Variants in GPATCH2 observed in about 807,000 individuals in gnomAD.
GPATCH2 encodes the protein G patch domain-containing protein 2.
In GPATCH2, 51 loss-of-function variants were observed where a neutral mutation model predicts 58.0. That is an observed-to-expected ratio of 0.88 (90% CI 0.70 to 1.11). The LOEUF (loss-of-function observed/expected upper bound fraction) is 1.11. GPATCH2 is among the 50% of genes most tolerant of loss of function. GPATCH2 has a pLI of 0.00. For synonymous variants in GPATCH2, 222 were observed against 218.5 expected, an observed-to-expected ratio of 1.02 and a Z score of -0.14; for missense variants, 625 against 652.2, an observed-to-expected ratio of 0.96 and a Z score of 0.45.
intron 8 of GPATCH2, among the ~76,000 whole-genome samples, chr1:217,482,220 A>G (rs1394497942): frequency 1.3e-5 from 2 of 152,184 alleles, no homozygotes; most frequent in Admixed American, 1.3e-4. Context: ...TTATGCAACA[A>G]ACATTTATTG....
intron 8 of GPATCH2, among the ~76,000 whole-genome samples, chr1:217,472,630 A>G (rs1660780149): frequency 6.6e-6 from 1 of 152,188 alleles, no homozygotes; most frequent in Non-Finnish European, 1.5e-5. Flanking sequence ...GAAAAGCTAT[A>G]TTGAACTTTC....
chr1:217,512,243 G>A (rs767308893), intron 6 of GPATCH2, among the ~76,000 whole-genome samples: 9 of 152,128 alleles, frequency 5.9e-5, no homozygotes, highest in Non-Finnish European at 1.2e-4. Flanking sequence ...GATCACGTAA[G>A]CCTGGGAGGT....
intron 5 of GPATCH2, among the ~76,000 whole-genome samples, chr1:217,570,452 TG>T (rs1666480928): frequency 6.6e-6 from 1 of 152,202 alleles, no homozygotes; most frequent in Admixed American, 6.5e-5. Flanking sequence ...TGTTTGTTCC[TG>T]TTTTCTTTCC....
chr1:217,429,009 CTAACAATG>C lies in GPATCH2; in HGVS notation c.*2128_*2135del, dbSNP rs1195624652. ...AAGTCCTCAGGAGTGTGGAACCAGG[CTAACAATG>C]ACCTCATTGTTTGCTCTCAGTGGCT... On this transcript the variant is annotated 3_prime_UTR_variant, in exon 10 of 10. Transcript: ENST00000366935. The C allele has an allele frequency of 6.6e-6, 1 of 152,094 alleles. No homozygotes were observed. Among genetic ancestry groups the C allele is most frequent in the Non-Finnish European group, 1.5e-5 (1 of 68,018 alleles). 9.4% of individuals were successfully genotyped at this position (152,094 alleles called of 1,614,324 possible).
At chr1:217,456,118 T>C (rs1446054987) in intron 8 of GPATCH2, among the ~76,000 whole-genome samples, 1 of 152,062 alleles carries the variant, frequency 6.6e-6, no homozygotes, top group Non-Finnish European at 1.5e-5. Flanking sequence ...ACCGAATTCT[T>C]CCTGGGTGCT....
At chr1:217,626,008 A>G (rs1360215476) in intron 1 of GPATCH2, among the ~76,000 whole-genome samples, 1 of 152,168 alleles carries the variant, frequency 6.6e-6, no homozygotes, top group Non-Finnish European at 1.5e-5. Context: ...GATAGAACTC[A>G]AGGATAACTG....
intron 2 of GPATCH2, among the ~76,000 whole-genome samples, chr1:217,617,940 A>G (rs1668975202): frequency 6.6e-6 from 1 of 152,112 alleles, no homozygotes. Flanking sequence ...GTCCTATAAA[A>G]AAGCAGATCA....
At chr1:217,625,594 TAGTC>T (rs1669413609) in intron 1 of GPATCH2, among the ~76,000 whole-genome samples, 1 of 152,224 alleles carries the variant, frequency 6.6e-6, no homozygotes, top group Non-Finnish European at 1.5e-5. Context: ...ATAGAAAAGT[TAGTC>T]AGGGAATAAT....
At chr1:217,606,066 A>T (rs1002991149) in intron 5 of GPATCH2, among the ~76,000 whole-genome samples, 4 of 151,972 alleles carry the variant, frequency 2.6e-5, no homozygotes, top group African/African-American at 7.2e-5. Context: ...TCAACACAAA[A>T]ATCTCAGGAC....
intron 2 of GPATCH2, among the ~76,000 whole-genome samples, chr1:217,617,760 T>C (rs933209473): frequency 2.6e-5 from 4 of 152,084 alleles, no homozygotes; most frequent in African/African-American, 9.7e-5. Flanking sequence ...TCAGAGAAAA[T>C]ATATTTTTTA....
intron 8 of GPATCH2, among the ~76,000 whole-genome samples, chr1:217,489,897 T>A (rs1368747188): frequency 6.6e-6 from 1 of 152,136 alleles, no homozygotes; most frequent in African/African-American, 2.4e-5. Flanking sequence ...CGTCTCAAAT[T>A]AAAGAAATTT....
In GPATCH2 at chr1:217,429,034, T is replaced by C. The variant is rs1449339804; in HGVS notation, c.*2111A>G. On this transcript the variant is annotated 3_prime_UTR_variant, in exon 10 of 10. Coordinates refer to ENST00000366935, the MANE Select transcript of GPATCH2 (RefSeq NM_018040.5). The stretch of plus-strand genomic sequence containing the variant: ...CTAACAATGACCTCATTGTTTGCTC[T>C]CAGTGGCTTCAAACTTGGCTTTTTG... 6.6e-6 allele frequency: 1 copy of C among 152,168 alleles called. No homozygotes were observed. The highest frequency in any genetic ancestry group is 1.5e-5 in the Non-Finnish European group (1 of 68,034). The allele number at this position is 152,168 out of a possible 1,614,324, so 9.4% of individuals were successfully genotyped here.
At chr1:217,611,153 A>G (rs1668605633) in intron 3 of GPATCH2, 82 bp from the exon 4 acceptor site, 2 of 1,235,514 alleles carry the variant, frequency 1.6e-6, no homozygotes, top group Non-Finnish European at 2.3e-6. Context: ...CAGGTAATAA[A>G]AATACAAGAT....
intron 8 of GPATCH2, among the ~76,000 whole-genome samples, chr1:217,488,984 A>G (rs966848230): frequency 3.3e-5 from 5 of 151,956 alleles, no homozygotes; most frequent in African/African-American, 1.2e-4. Flanking sequence ...GCAGCCAACC[A>G]TAAATATTTC....
chr1:217,599,734 G>A (rs1369342389), intron 5 of GPATCH2, among the ~76,000 whole-genome samples: 1 of 152,022 alleles, frequency 6.6e-6, no homozygotes, highest in African/African-American at 2.4e-5. Context: ...AACACAATTA[G>A]GCAAGACATC....
At chr1:217,497,269 G>T (rs1399712788) in intron 7 of GPATCH2, among the ~76,000 whole-genome samples, 1 of 152,116 alleles carries the variant, frequency 6.6e-6, no homozygotes, top group African/African-American at 2.4e-5. Flanking sequence ...TTTTTGTATT[G>T]TAAATAATAA....
At chr1:217,545,401 T>A (rs1664989111) in intron 5 of GPATCH2, among the ~76,000 whole-genome samples, 1 of 152,182 alleles carries the variant, frequency 6.6e-6, no homozygotes. Context: ...GCCTCTTTTG[T>A]GCTAATCCTC....
At chr1:217,609,025 C>T in intron 5 of GPATCH2, 1 of 882,478 alleles carries the variant, frequency 1.1e-6, no homozygotes, top group Non-Finnish European at 1.4e-6. Flanking sequence ...TTAAGTTAGC[C>T]ATTAAATGCT....
chr1:217,479,388 AGGC>A (rs1661115581), intron 8 of GPATCH2, among the ~76,000 whole-genome samples: 1 of 152,206 alleles, frequency 6.6e-6, no homozygotes, highest in African/African-American at 2.4e-5. Context: ...AATGAGGTTG[AGGC>A]ATAGTTTTTA....
Sources: gnomAD v4.1 joint callset for allele counts (sites outside exome capture counted in the v4.1 genomes callset) on GRCh38, gnomAD v4.1.1 for gene constraint, MANE v1.5 for transcripts, NCBI Gene and HGNC (gene_info 2026-07-23, HGNC 2026-07-21) for gene names.